The following SLCO6A1 variants were observed in gnomAD, a reference collection of about 807,000 sequenced individuals.
The protein encoded by SLCO6A1 is cancer/testis antigen 48.
SLCO6A1 carries 65 observed loss-of-function variants against 72.7 expected under a neutral mutation model. The ratio of observed to expected loss-of-function variants is 0.89; its 90% confidence interval spans 0.73 to 1.10. SLCO6A1 has a LOEUF of 1.10. SLCO6A1 is among the 50% of genes least tolerant of loss of function. The pLI is 0.00. For synonymous variants in SLCO6A1, 314 were observed against 298.2 expected (o/e 1.05, Z -0.55); for missense variants, 874 against 872.6 (o/e 1.00, Z -0.02).
chr5:102,431,327 A>G (rs1749206257), intron 7 of SLCO6A1, among the ~76,000 whole-genome samples: 1 of 151,620 alleles, frequency 6.6e-6, no homozygotes, highest in African/African-American at 2.4e-5. Context: ...TTGCTTCTCT[A>G]GTTCTTTTTG....
At chr5:102,479,786 G>A (rs1752095013) in intron 2 of SLCO6A1, among the ~76,000 whole-genome samples, 1 of 152,026 alleles carries the variant, frequency 6.6e-6, no homozygotes, top group Non-Finnish European at 1.5e-5. Flanking sequence ...CCCACTTTGA[G>A]TTCATGATTA....
At chr5:102,438,833 C>T (rs1749690837) in intron 6 of SLCO6A1, 72 bp from the exon 7 acceptor site, 2 of 1,109,286 alleles carry the variant, frequency 1.8e-6, no homozygotes, top group Non-Finnish European at 2.4e-6. Flanking sequence ...GAACCAAATG[C>T]TAATGATCTG....
chr5:102,384,170 T>G (rs1345369005), intron 12 of SLCO6A1, among the ~76,000 whole-genome samples: 4 of 152,064 alleles, frequency 2.6e-5, no homozygotes, highest in Non-Finnish European at 4.4e-5. Context: ...TTCTAATCTC[T>G]ATTTCACTGA....
At chr5:102,424,585 C>T (rs948338245) in intron 7 of SLCO6A1, among the ~76,000 whole-genome samples, 2 of 151,946 alleles carry the variant, frequency 1.3e-5, no homozygotes, top group Non-Finnish European at 2.9e-5. Flanking sequence ...AAGTCGAATC[C>T]CTGAGTAGGC....
At chr5:102,389,456 C>CCCA (rs376461607) in intron 11 of SLCO6A1, among the ~76,000 whole-genome samples, 1,132 of 81,700 alleles carry the variant, frequency 0.014, 40 homozygotes, top group Middle Eastern at 0.032. Context: ...CCCCCCACCC[C>CCCA]CACACACACA....
At chr5:102,379,611 T>G (rs1030380936) in intron 12 of SLCO6A1, among the ~76,000 whole-genome samples, 3 of 152,140 alleles carry the variant, frequency 2.0e-5, no homozygotes, top group Non-Finnish European at 4.4e-5. Context: ...TTAATCAATG[T>G]GTTGATGCTT....
At chr5:102,480,465 C>A (rs17151033) in intron 1 of SLCO6A1, 31 bp from the exon 2 acceptor site, 3 of 1,580,154 alleles carry the variant, frequency 1.9e-6, no homozygotes, top group African/African-American at 1.4e-5. Flanking sequence ...GAGAAAACAA[C>A]GATATGCATT....
At chr5:102,378,190 T>A (rs998143388) in intron 12 of SLCO6A1, among the ~76,000 whole-genome samples, 5 of 151,964 alleles carry the variant, frequency 3.3e-5, no homozygotes, top group Non-Finnish European at 7.4e-5. Flanking sequence ...TTAGGGTACA[T>A]AAGAAAATGT....
chr5:102,490,906 A>G (rs1035671017), intron 1 of SLCO6A1, among the ~76,000 whole-genome samples: 14 of 152,092 alleles, frequency 9.2e-5, no homozygotes, highest in African/African-American at 3.1e-4. Context: ...ACAGTGTGGA[A>G]GCGGACTCAG....
intron 6 of SLCO6A1, among the ~76,000 whole-genome samples, chr5:102,457,992 A>T (rs948494433): frequency 6.6e-6 from 1 of 152,140 alleles, no homozygotes; most frequent in African/African-American, 2.4e-5. Context: ...TCAGCAAACT[A>T]TTGCAAGAAC....
At chr5:102,396,069 G>T (rs1415889115) in intron 10 of SLCO6A1, among the ~76,000 whole-genome samples, 10 of 152,030 alleles carry the variant, frequency 6.6e-5, no homozygotes, top group East Asian at 1.9e-4. Context: ...GTCAATTTTG[G>T]CTTTTGTTGC....
intron 12 of SLCO6A1, among the ~76,000 whole-genome samples, chr5:102,383,095 A>ATATATATAT (rs1554064835): frequency 0.017 from 2,239 of 128,550 alleles, 74 homozygotes; most frequent in Non-Finnish European, 0.024. Flanking sequence ...TATGTGTGTG[A>ATATATATAT]ATATATATAT....
Position 102,372,053 on chromosome 5 carries a change from G to C in SLCO6A1, c.*86C>G, listed in dbSNP as rs1163978909. The C allele has an allele frequency of 1.3e-5, 2 of 151,950 alleles. No homozygotes were observed. Among genetic ancestry groups the C allele is most frequent in the African/African-American group, 4.8e-5 (2 of 41,424 alleles). The allele number at this position is 151,950 out of a possible 1,614,324, so 9.4% of individuals were successfully genotyped here. A position where few individuals can be genotyped will look rare whatever the true frequency, so the allele number is the denominator to read the frequency against. ...TTTCCTCTTCTGAAAGTTGGGCACA[G>C]AAACAAATCTTGGAGAATCTGTAAA... is the stretch of plus-strand genomic sequence containing the variant. On this transcript the variant is annotated 3_prime_UTR_variant, in exon 14 of 14. Transcript: ENST00000506729.
rs148556287 is a variant in SLCO6A1, at chr5:102,474,948, A to G, written c.899+749T>C. Reference sequence around the variant, plus strand: ...AACAAACAAAACAGTATTGGTGAGGATGTGGAGAAATTGGAACCCTGTGCA... The same window carrying G: ...AACAAACAAAACAGTATTGGTGAGGGTGTGGAGAAATTGGAACCCTGTGCA... On this transcript the variant is annotated intron_variant, in intron 4 of 13. Coordinates refer to ENST00000506729, the MANE Select transcript of SLCO6A1 (RefSeq NM_173488.5). 4.6e-5 allele frequency among the ~76,000 whole-genome samples: 7 copies of G among 152,212 alleles called. No individual in the cohort carries two copies. In the East Asian group the frequency reaches 1.4e-3, roughly 29 times the overall value.
intron 10 of SLCO6A1, among the ~76,000 whole-genome samples, chr5:102,392,329 AAG>A (rs1196314628): frequency 4.0e-5 from 6 of 148,898 alleles, no homozygotes; most frequent in Non-Finnish European, 8.8e-5. Context: ...AGATTCACTA[AAG>A]AGAGTTTAAA....
At chr5:102,434,766 C>A (rs1199120261) in intron 7 of SLCO6A1, among the ~76,000 whole-genome samples, 1 of 152,150 alleles carries the variant, frequency 6.6e-6, no homozygotes, top group Non-Finnish European at 1.5e-5. Context: ...ACTTCCTTGT[C>A]AATCTGGCCA....
chr5:102,454,153 T>A (rs960487163), intron 6 of SLCO6A1, among the ~76,000 whole-genome samples: 1 of 152,170 alleles, frequency 6.6e-6, no homozygotes, highest in Non-Finnish European at 1.5e-5. Flanking sequence ...GCCACCAATA[T>A]TGTAATTGCT....
Position 102,390,962 on chromosome 5 carries a change from G to A in SLCO6A1, c.1879+19C>T. 1 of 1,611,526 alleles carries A rather than the reference G, an allele frequency of 6.2e-7. No individual in the cohort carries two copies. Among genetic ancestry groups the A allele is most frequent in the Non-Finnish European group, 8.5e-7 (1 of 1,178,100 alleles). ...CAAAAAACATTTTGATGTAATAAGA[G>A]ATTGCCAAAAATCCATACCAAATAT... is the stretch of plus-strand genomic sequence containing the variant. On this transcript the variant is annotated intron_variant, in intron 11 of 13. Coordinates refer to ENST00000506729, the MANE Select transcript of SLCO6A1 (RefSeq NM_173488.5).
At chr5:102,397,537 T>G (rs1187208439) in intron 10 of SLCO6A1, among the ~76,000 whole-genome samples, 1 of 152,184 alleles carries the variant, frequency 6.6e-6, no homozygotes, top group Non-Finnish European at 1.5e-5. Flanking sequence ...TCCTGGCTTT[T>G]TTTGAGGTCG....
Sources: allele counts gnomAD v4.1 joint callset (sites outside exome capture counted in the v4.1 genomes callset), GRCh38; gene constraint gnomAD v4.1.1; transcripts MANE v1.5; gene names NCBI Gene and HGNC (gene_info 2026-07-23, HGNC 2026-07-21).